Variants in COG2 observed in about 807,000 individuals in gnomAD.
COG2 encodes component of oligomeric golgi complex 2.
Under a neutral mutation model 90.6 loss-of-function variants are expected in COG2, and 52 were observed. That is an observed-to-expected ratio of 0.57 (90% CI 0.46 to 0.72). The LOEUF (loss-of-function observed/expected upper bound fraction) is 0.72, where lower values mean the gene tolerates loss of function less well. Ranked by LOEUF, COG2 falls within the 30% of genes least tolerant of loss-of-function variation. COG2 has a pLI of 0.00. For synonymous variants in COG2, 337 were observed against 320.4 expected (o/e 1.05, Z -0.55); for missense variants, 829 against 891.2 (o/e 0.93, Z 0.89).
rs1205848288 is a variant in COG2 at position 230,687,027 on chromosome 1, C to T, written c.1473C>T (p.Asn491=). The change falls in exon 13 of 18, where the codon AAC becomes AAT. Residue 491 remains asparagine (N), a synonymous_variant. Coordinates refer to ENST00000366669, the MANE Select transcript of COG2 (RefSeq NM_007357.3). ...AAGAACCTTCCATCACCCAAGGAAA[C>T]ACTGAAGACCAAGGAAGTGGTCCTT... is the stretch of plus-strand genomic sequence containing the variant. The part of the protein sequence containing the change: ...GSKEPSITQG[N]TEDQGSGPSE... 6.2e-7 allele frequency: 1 copy of T among 1,611,818 alleles called. No homozygotes were observed. Among genetic ancestry groups the T allele is most frequent in the African/African-American group, 1.3e-5 (1 of 74,888 alleles).
At chr1:230,674,513 G>A (rs1662538456) in intron 8 of COG2, among the ~76,000 whole-genome samples, 1 of 152,234 alleles carries the variant, frequency 6.6e-6, no homozygotes. Context: ...ACATTTGATA[G>A]TCATAGAATT....
At chr1:230,678,837 A>G (rs1662662446) in intron 9 of COG2, 76 bp from the exon 10 acceptor site, 3 of 1,592,524 alleles carry the variant, frequency 1.9e-6, no homozygotes, top group African/African-American at 2.7e-5. Flanking sequence ...CTTTATCTTG[A>G]TTACAGTTTT....
intron 11 of COG2, among the ~76,000 whole-genome samples, chr1:230,684,594 T>C (rs762347078): frequency 5.9e-5 from 9 of 152,256 alleles, no homozygotes; most frequent in South Asian, 4.1e-4. Context: ...CTAAGTCTAC[T>C]GTCATTTTGA....
chr1:230,671,477 T>C (rs774214220), intron 7 of COG2, 39 bp from the exon 8 acceptor site: 1 of 1,578,254 alleles, frequency 6.3e-7, no homozygotes, highest in South Asian at 1.2e-5. Flanking sequence ...GTACTTCCCT[T>C]TTAAATGCTT....
chr1:230,675,291 A>G (rs145047377), intron 9 of COG2, among the ~76,000 whole-genome samples, 167 bp downstream of exon 9: 2 of 152,350 alleles, frequency 1.3e-5, no homozygotes, highest in African/African-American at 4.8e-5. Flanking sequence ...TATCCAAGAT[A>G]TGATGTATGA....
At position 230,678,920 on chromosome 1, in the gene COG2, C is replaced by G. The variant is rs774217419; in HGVS notation, c.1034C>G (p.Thr345Ser). 1.2e-6 allele frequency: 2 copies of G among 1,611,456 alleles called. No individual in the cohort carries two copies. The highest frequency in any genetic ancestry group is 1.7e-5 in the Admixed American group (1 of 59,808). Residue 345 changes from threonine to serine, a missense_variant, in exon 10 of 18, where the codon ACC becomes AGC. Transcript: ENST00000366669. ...CCTTTTGTTTTATTTTAGAAATATA[C>G]CATAAGTATGGATTTTGTCAGAAGA... ...GNPDAFHEKY[T>S]ISMDFVRRLE...
chr1:230,664,575 T>A lies in COG2; in HGVS notation c.473T>A (p.Leu158Gln), dbSNP rs116508706. Residue 158 changes from leucine (L) to glutamine (Q), a missense_variant, in exon 5 of 18, where the codon CTA (leucine) becomes CAA (glutamine). Physicochemically the swap from Leu to Gln is moderately radical, Grantham distance 113 (BLOSUM62 -2). Coordinates refer to ENST00000366669, the MANE Select transcript of COG2 (RefSeq NM_007357.3). ...NSQSSKETSA[L>Q]EASSPLLTGQ... is the part of the protein sequence containing the mutation. ...CAAAGTTCTAAAGAAACCTCTGCAC[T>A]AGAAGCAAGCAGGTAAGTATTTTTT... is the stretch of plus-strand genomic sequence containing the variant. 107 of 1,522,838 alleles carry A rather than the reference T, an allele frequency of 7.0e-5. No individual in the cohort carries two copies. The African/African-American group carries it at 1.4e-3, about 21-fold the overall frequency. The allele number at this position is 1,522,838 out of a possible 1,614,324, so 94.3% of individuals were successfully genotyped here.
intron 9 of COG2, 88 bp downstream of exon 9, chr1:230,675,212 TG>T: frequency 7.0e-7 from 1 of 1,418,488 alleles, no homozygotes; most frequent in Non-Finnish European, 9.3e-7. Context: ...GTCTTGGTTC[TG>T]TGGTTTATTA....
At chr1:230,660,088 A>C (rs1369038385) in intron 2 of COG2, among the ~76,000 whole-genome samples, 1 of 152,224 alleles carries the variant, frequency 6.6e-6, no homozygotes, top group Non-Finnish European at 1.5e-5. Context: ...TGTCACGAGC[A>C]TATCAGCTGT....
At chr1:230,649,159 C>T (rs927144115) in intron 1 of COG2, among the ~76,000 whole-genome samples, 27 of 152,334 alleles carry the variant, frequency 1.8e-4, no homozygotes, top group Admixed American at 1.6e-3. Context: ...CATAAAACTT[C>T]TAATATCATC....
At chr1:230,650,144 A>G (rs879882062) in intron 1 of COG2, among the ~76,000 whole-genome samples, 10 of 152,186 alleles carry the variant, frequency 6.6e-5, no homozygotes, top group Admixed American at 6.5e-4. Flanking sequence ...TGATTCCATG[A>G]CTTTGCTATT....
intron 8 of COG2, among the ~76,000 whole-genome samples, chr1:230,673,323 T>TCAC (rs1431732140): frequency 6.6e-6 from 1 of 152,210 alleles, no homozygotes; most frequent in East Asian, 1.9e-4. Context: ...GTGTTGCAGG[T>TCAC]TCTGCATATC....
intron 3 of COG2, chr1:230,661,560 A>T (rs982064415): frequency 6.6e-6 from 1 of 152,332 alleles, no homozygotes; most frequent in African/African-American, 2.4e-5. Flanking sequence ...TTACCTGTGT[A>T]TGTCACCATT....
At chr1:230,666,177 T>A (rs1662317018) in intron 5 of COG2, among the ~76,000 whole-genome samples, 1 of 152,234 alleles carries the variant, frequency 6.6e-6, no homozygotes, top group African/African-American at 2.4e-5. Flanking sequence ...AGCTCTCATC[T>A]TCTTTCCCTG....
intron 3 of COG2, 47 bp from the exon 4 acceptor site, chr1:230,663,094 T>C (rs1297525343): frequency 1.8e-5 from 26 of 1,468,350 alleles, no homozygotes; most frequent in Non-Finnish European, 2.3e-5. Flanking sequence ...AATTTCATAA[T>C]GTTACAAAAC....
intron 1 of COG2, among the ~76,000 whole-genome samples, chr1:230,647,620 C>T (rs1184489934): frequency 6.6e-6 from 1 of 152,144 alleles, no homozygotes; most frequent in Non-Finnish European, 1.5e-5. Flanking sequence ...ACAGTTGCCC[C>T]TCAGTATCCG....
intron 10 of COG2, chr1:230,679,814 T>G (rs958737908): frequency 6.6e-6 from 1 of 152,250 alleles, no homozygotes; most frequent in South Asian, 2.1e-4. Flanking sequence ...TGAAGAATCA[T>G]AGGCTTTTTT....
At chr1:230,647,581 G>A (rs995105460) in intron 1 of COG2, among the ~76,000 whole-genome samples, 35 of 152,202 alleles carry the variant, frequency 2.3e-4, no homozygotes, top group African/African-American at 6.7e-4. Flanking sequence ...GGCTCTTGTC[G>A]TTTTATGTTT....
chr1:230,678,805 G>A (rs1219842497), intron 9 of COG2, 108 bp from the exon 10 acceptor site: 6 of 1,575,012 alleles, frequency 3.8e-6, no homozygotes, highest in Non-Finnish European at 5.2e-6. Context: ...TCTAGAAACT[G>A]TGATTCTTAC....
Sources: gnomAD v4.1 joint callset for allele counts (sites outside exome capture counted in the v4.1 genomes callset) on GRCh38, gnomAD v4.1.1 for gene constraint, MANE v1.5 for transcripts, NCBI Gene and HGNC (gene_info 2026-07-23, HGNC 2026-07-21) for gene names.